ROBO2: variants seen among roughly 807,000 people sequenced by gnomAD.
ROBO2 encodes the protein roundabout guidance receptor 2.
In ROBO2, 53 loss-of-function variants were observed where a neutral mutation model predicts 160.8. That is an observed-to-expected ratio of 0.33 (90% CI 0.26 to 0.41). The LOEUF (loss-of-function observed/expected upper bound fraction) is 0.41, where lower values mean the gene tolerates loss of function less well. ROBO2 is among the 10% of genes least tolerant of loss of function. The pLI is 1.00. For synonymous variants in ROBO2, 664 were observed against 611.7 expected, an observed-to-expected ratio of 1.09 and a Z score of -1.26; for missense variants, 1,577 against 1,722.4, an observed-to-expected ratio of 0.92 and a Z score of 1.49.
intron 2 of ROBO2, among the ~76,000 whole-genome samples, chr3:77,251,706 T>G (rs1455593888): frequency 6.6e-6 from 1 of 152,048 alleles, no homozygotes; most frequent in African/African-American, 2.4e-5. Context: ...GGGGGCGGTC[T>G]CCCCCATACT....
At chr3:76,841,998 A>G (rs2068322398) in intron 2 of ROBO2, among the ~76,000 whole-genome samples, 1 of 152,196 alleles carries the variant, frequency 6.6e-6, no homozygotes, top group African/African-American at 2.4e-5. Flanking sequence ...AGATGACATG[A>G]GCATTTGTGC....
chr3:76,672,396 T>C (rs2092293053), intron 2 of ROBO2, among the ~76,000 whole-genome samples: 1 of 152,104 alleles, frequency 6.6e-6, no homozygotes, highest in Non-Finnish European at 1.5e-5. Flanking sequence ...TGGAAGAAAG[T>C]GTACCCATTT....
At chr3:76,336,063 C>A (rs182479830) in intron 2 of ROBO2, among the ~76,000 whole-genome samples, 1 of 152,108 alleles carries the variant, frequency 6.6e-6, no homozygotes, top group Non-Finnish European at 1.5e-5. Context: ...TAAATAGATA[C>A]GTATTTCTCT....
At chr3:77,268,809 G>C (rs2059301758) in intron 2 of ROBO2, among the ~76,000 whole-genome samples, 1 of 152,188 alleles carries the variant, frequency 6.6e-6, no homozygotes, top group South Asian at 2.1e-4. Context: ...ATGGCTCTTG[G>C]TAGATTTAGC....
At chr3:77,255,219 C>G (rs1453909229) in intron 2 of ROBO2, among the ~76,000 whole-genome samples, 1 of 151,984 alleles carries the variant, frequency 6.6e-6, no homozygotes, top group East Asian at 1.9e-4. Context: ...TACATGAGTC[C>G]AAAATGTTGA....
intron 5 of ROBO2, among the ~76,000 whole-genome samples, chr3:77,522,550 A>G (rs1364387940): frequency 6.6e-6 from 1 of 151,290 alleles, no homozygotes; most frequent in African/African-American, 2.4e-5. Flanking sequence ...AATTCTATAC[A>G]TATGTGAAGT....
At chr3:76,393,210 C>T (rs2108662029) in intron 2 of ROBO2, among the ~76,000 whole-genome samples, 1 of 152,214 alleles carries the variant, frequency 6.6e-6, no homozygotes, top group Non-Finnish European at 1.5e-5. Flanking sequence ...ATAAGAATCT[C>T]TAGATATGGA....
At chr3:76,884,690 T>C (rs1358509665) in intron 2 of ROBO2, among the ~76,000 whole-genome samples, 1 of 152,214 alleles carries the variant, frequency 6.6e-6, no homozygotes, top group Non-Finnish European at 1.5e-5. Context: ...TTCAATATTT[T>C]ATGTTAGTTT....
chr3:76,056,509 GA>G (rs983611843), intron 2 of ROBO2, among the ~76,000 whole-genome samples: 21 of 148,744 alleles, frequency 1.4e-4, no homozygotes, highest in Non-Finnish European at 2.7e-4. Flanking sequence ...TAAAATTGAA[GA>G]AAAAAAACCC....
At chr3:77,250,052 A>T (rs909519265) in intron 2 of ROBO2, among the ~76,000 whole-genome samples, 19 of 152,198 alleles carry the variant, frequency 1.2e-4, no homozygotes, top group African/African-American at 4.1e-4. Context: ...ATATTACAGA[A>T]TTAAAATATT....
intron 2 of ROBO2, among the ~76,000 whole-genome samples, chr3:77,304,315 C>A (rs539342921): frequency 6.6e-6 from 1 of 152,286 alleles, no homozygotes; most frequent in South Asian, 2.1e-4. Flanking sequence ...GTTGGCTGGT[C>A]GTTGTACCTC....
chr3:77,628,680 CA>C (rs2095089920), intron 23 of ROBO2, among the ~76,000 whole-genome samples: 1 of 152,056 alleles, frequency 6.6e-6, no homozygotes, highest in Non-Finnish European at 1.5e-5. Context: ...ACATCTTAAC[CA>C]AACTGTAGAG....
chr3:77,503,539 A>G (rs2087971352), intron 5 of ROBO2, among the ~76,000 whole-genome samples: 1 of 147,916 alleles, frequency 6.8e-6, no homozygotes, highest in African/African-American at 2.6e-5. Flanking sequence ...AAATAAATAA[A>G]TAAATAAATA....
At chr3:76,173,266 A>G (rs1186992213) in intron 2 of ROBO2, among the ~76,000 whole-genome samples, 2 of 151,392 alleles carry the variant, frequency 1.3e-5, no homozygotes, top group Non-Finnish European at 2.9e-5. Flanking sequence ...ATATATGTAT[A>G]CATACATACA....
At chr3:77,256,633 A>T (rs1023195394) in intron 2 of ROBO2, among the ~76,000 whole-genome samples, 4 of 152,228 alleles carry the variant, frequency 2.6e-5, no homozygotes, top group Non-Finnish European at 4.4e-5. Context: ...AGTACAAAAA[A>T]CTATTATACA....
intron 2 of ROBO2, among the ~76,000 whole-genome samples, chr3:77,230,759 T>C (rs1485148035): frequency 6.6e-6 from 1 of 152,198 alleles, no homozygotes; most frequent in Non-Finnish European, 1.5e-5. Flanking sequence ...GTTATTAAAT[T>C]GAGAAAGACA....
chr3:77,110,910 TCTCAAACTTTTGAG>T (rs2073494771), intron 2 of ROBO2, among the ~76,000 whole-genome samples: 1 of 152,056 alleles, frequency 6.6e-6, no homozygotes, highest in Non-Finnish European at 1.5e-5. Flanking sequence ...CCCAGACTGG[TCTCAAACTTTTGAG>T]CTCAAGCTAT....
At chr3:76,765,048 C>T (rs1016235832) in intron 2 of ROBO2, among the ~76,000 whole-genome samples, 2 of 151,634 alleles carry the variant, frequency 1.3e-5, no homozygotes, top group Non-Finnish European at 3.0e-5. Flanking sequence ...TTTTTCAACC[C>T]TCATCCCTCT....
intron 2 of ROBO2, among the ~76,000 whole-genome samples, chr3:77,295,398 A>G (rs1453405329): frequency 6.7e-6 from 1 of 150,344 alleles, no homozygotes; most frequent in Non-Finnish European, 1.5e-5. Flanking sequence ...AGCACTAAAG[A>G]CATAAAGTAA....
Sources: allele counts gnomAD v4.1 joint callset (sites outside exome capture counted in the v4.1 genomes callset), GRCh38; gene constraint gnomAD v4.1.1; transcripts MANE v1.5; gene names NCBI Gene and HGNC (gene_info 2026-07-23, HGNC 2026-07-21).